Variants in CSMD3 observed in about 807,000 individuals in gnomAD.
CSMD3 encodes the protein CUB and sushi domain-containing protein 3.
In CSMD3, 177 loss-of-function variants were observed where a neutral mutation model predicts 435.2. The ratio of observed to expected loss-of-function variants is 0.41; its 90% confidence interval spans 0.36 to 0.46. The LOEUF (loss-of-function observed/expected upper bound fraction) is 0.46, where lower values mean the gene tolerates loss of function less well. CSMD3 is among the 20% of genes least tolerant of loss of function. The pLI is 0.34. For synonymous variants in CSMD3, 1,656 were observed against 1,520.5 expected (o/e 1.09, Z -2.07); for missense variants, 4,265 against 4,504.6 (o/e 0.95, Z 1.52).
chr8:113,383,541 T>G (rs1461929564), intron 1 of CSMD3, among the ~76,000 whole-genome samples: 1 of 152,022 alleles, frequency 6.6e-6, no homozygotes, highest in African/African-American at 2.4e-5. Flanking sequence ...GGAGCACAAT[T>G]CAGAAAGATA....
At chr8:112,973,180 G>A (rs1351059680) in intron 7 of CSMD3, among the ~76,000 whole-genome samples, 1 of 151,892 alleles carries the variant, frequency 6.6e-6, no homozygotes, top group Non-Finnish European at 1.5e-5. Context: ...ATCACTGAAA[G>A]CTTTAAAAGA....
chr8:112,231,635 A>G lies in CSMD3; in HGVS notation c.10741-3T>C, dbSNP rs761096772. ...GCTCCATCAGGCTCAGCAGAAACCT[A>G]AAAATATTTAAACAGCCAAATATAC... On this transcript the variant is annotated splice_polypyrimidine_tract_variant and splice_region_variant and intron_variant, in intron 68 of 70. Coordinates refer to ENST00000297405, the MANE Select transcript of CSMD3 (RefSeq NM_198123.2). 6 of 1,573,130 alleles carry G rather than the reference A, an allele frequency of 3.8e-6. No homozygotes were observed. The African/African-American group carries it at 6.7e-5, about 18-fold the overall frequency.
intron 3 of CSMD3, among the ~76,000 whole-genome samples, chr8:113,211,604 G>A (rs2092835509): frequency 1.3e-5 from 2 of 152,030 alleles, no homozygotes; most frequent in South Asian, 2.1e-4. Context: ...CAGGAGAACC[G>A]CTTGAACCCA....
chr8:112,899,113 A>C (rs1254739835), intron 10 of CSMD3, among the ~76,000 whole-genome samples: 1 of 151,182 alleles, frequency 6.6e-6, no homozygotes, highest in Non-Finnish European at 1.5e-5. Context: ...AATATTATAG[A>C]ATTGCCAAAG....
In CSMD3 at chr8:112,597,391, A is replaced by G. The variant is rs963422093; in HGVS notation, c.3716-10156T>C. 2.6e-3 allele frequency among the ~76,000 whole-genome samples: 386 copies of G among 147,564 alleles called. 2 individuals carry two copies. Among genetic ancestry groups the G allele is most frequent in the African/African-American group, 9.1e-3 (362 of 39,664 alleles). On this transcript the variant is annotated intron_variant, in intron 22 of 70. Coordinates refer to ENST00000297405, the MANE Select transcript of CSMD3 (RefSeq NM_198123.2). ...CAATAATCAATAGTTTACCAACCAAAAAGAGTCCAGGACCAGATGGATTCA... is the reference window on the plus strand; with the variant it reads ...CAATAATCAATAGTTTACCAACCAAGAAGAGTCCAGGACCAGATGGATTCA...
At chr8:113,101,135 C>T (rs2090318124) in intron 4 of CSMD3, among the ~76,000 whole-genome samples, 1 of 152,142 alleles carries the variant, frequency 6.6e-6, no homozygotes, top group African/African-American at 2.4e-5. Context: ...CACTCATAGG[C>T]CCTTTCATGG....
At chr8:112,876,694 G>A (rs1244141879) in intron 10 of CSMD3, among the ~76,000 whole-genome samples, 8 of 152,094 alleles carry the variant, frequency 5.3e-5, no homozygotes, top group Admixed American at 5.2e-4. Context: ...TTGAAAACCA[G>A]CACAAGACAA....
At chr8:112,419,631 T>C (rs1388101773) in intron 32 of CSMD3, among the ~76,000 whole-genome samples, 1 of 152,220 alleles carries the variant, frequency 6.6e-6, no homozygotes, top group Admixed American at 6.5e-5. Flanking sequence ...CTTTCAGATT[T>C]CTCTAAAGCT....
intron 53 of CSMD3, among the ~76,000 whole-genome samples, chr8:112,300,080 GTTTTA>G (rs1327182274): frequency 6.8e-6 from 1 of 147,128 alleles, no homozygotes; most frequent in East Asian, 2.0e-4. Flanking sequence ...TTAAAATTTA[GTTTTA>G]TTTTAACTAT....
intron 4 of CSMD3, among the ~76,000 whole-genome samples, chr8:113,143,486 C>A (rs1333024466): frequency 6.6e-6 from 1 of 151,334 alleles, no homozygotes; most frequent in African/African-American, 2.4e-5. Flanking sequence ...ATACCAGGGA[C>A]ACGAAAATTT....
chr8:112,532,795 C>A (rs1217006195), intron 27 of CSMD3, among the ~76,000 whole-genome samples: 1 of 151,986 alleles, frequency 6.6e-6, no homozygotes, highest in South Asian at 2.1e-4. Context: ...CAGACAAATT[C>A]AGAATATTCT....
intron 10 of CSMD3, among the ~76,000 whole-genome samples, chr8:112,883,586 A>G (rs373065423): frequency 1.3e-5 from 2 of 151,966 alleles, no homozygotes; most frequent in African/African-American, 4.8e-5. Flanking sequence ...GTCACAGAGA[A>G]GTAAAAATTG....
At chr8:113,144,405 T>A (rs1301908123) in intron 4 of CSMD3, among the ~76,000 whole-genome samples, 1 of 151,428 alleles carries the variant, frequency 6.6e-6, no homozygotes, top group Non-Finnish European at 1.5e-5. Flanking sequence ...GGCATTCTAG[T>A]TATGTTAAAC....
At chr8:113,275,057 T>C (rs1337016147) in intron 3 of CSMD3, among the ~76,000 whole-genome samples, 3 of 152,076 alleles carry the variant, frequency 2.0e-5, no homozygotes, top group Non-Finnish European at 2.9e-5. Context: ...TGCTTATATA[T>C]AAAGTACTCT....
At chr8:112,330,882 T>C (rs1249196897) in intron 45 of CSMD3, among the ~76,000 whole-genome samples, 4 of 152,040 alleles carry the variant, frequency 2.6e-5, no homozygotes, top group East Asian at 1.9e-4. Context: ...GCTGTTGTTA[T>C]TGTTGTTTTG....
chr8:112,710,044 T>C (rs2076578715), intron 13 of CSMD3, among the ~76,000 whole-genome samples: 1 of 152,104 alleles, frequency 6.6e-6, no homozygotes, highest in Admixed American at 6.6e-5. Context: ...AATATAACCA[T>C]CTAGGAAGAC....
chr8:112,853,787 C>T (rs1259537123), intron 11 of CSMD3, among the ~76,000 whole-genome samples: 2 of 152,166 alleles, frequency 1.3e-5, no homozygotes, highest in African/African-American at 4.8e-5. Context: ...CAATACTGTG[C>T]TAATTATTTA....
At chr8:112,877,676 G>A (rs530528277) in intron 10 of CSMD3, among the ~76,000 whole-genome samples, 4 of 152,202 alleles carry the variant, frequency 2.6e-5, no homozygotes, top group African/African-American at 9.6e-5. Context: ...ATAACTACAA[G>A]GTGACAGTAA....
intron 41 of CSMD3, among the ~76,000 whole-genome samples, chr8:112,345,350 T>C (rs1825565422): frequency 6.6e-6 from 1 of 152,106 alleles, no homozygotes; most frequent in Non-Finnish European, 1.5e-5. Flanking sequence ...GTGTCCATCA[T>C]CTGATGAATG....
Sources: gnomAD v4.1 joint callset for allele counts (sites outside exome capture counted in the v4.1 genomes callset) on GRCh38, gnomAD v4.1.1 for gene constraint, MANE v1.5 for transcripts, NCBI Gene and HGNC (gene_info 2026-07-23, HGNC 2026-07-21) for gene names.